Variants in CAPS2 observed in about 807,000 individuals in gnomAD.
The protein encoded by CAPS2 is calcyphosine 2, also known as calcyphosin-2.
In CAPS2, 98 loss-of-function variants were observed where a neutral mutation model predicts 86.5. The observed-to-expected ratio is 1.13, with a 90% confidence interval of 0.96 to 1.34. The LOEUF is 1.34. Among genes scored for constraint, CAPS2 ranks in the 40% most tolerant of loss-of-function variants. CAPS2 has a pLI of 0.00. For synonymous variants in CAPS2, 210 were observed against 225.1 expected (o/e 0.93, Z 0.60); for missense variants, 729 against 686.8 (o/e 1.06, Z -0.69).
At chr12:75,291,963 A>T in intron 12 of CAPS2, 143 bp from the exon 13 acceptor site, 1 of 373,892 alleles carries the variant, frequency 2.7e-6, no homozygotes, top group Non-Finnish European at 4.8e-6. Flanking sequence ...ATCAAGTCCC[A>T]ACTCTGCCTG....
exon 14 of CAPS2, chr12:75,289,740 G>T: frequency 6.2e-7 from 1 of 1,612,280 alleles, no homozygotes; most frequent in South Asian, 1.1e-5. Context: ...GTCAAAATAC[G>T]AACACCTCTT....
At chr12:75,339,559 A>C (rs2041963350) in intron 1 of CAPS2, among the ~76,000 whole-genome samples, 1 of 152,038 alleles carries the variant, frequency 6.6e-6, no homozygotes, top group Non-Finnish European at 1.5e-5. Flanking sequence ...CACTCTGATG[A>C]TACTTTCTTT....
At chr12:75,366,921 A>G in intron 1 of CAPS2, 1 of 701,808 alleles carries the variant, frequency 1.4e-6, no homozygotes, top group African/African-American at 1.7e-5. Context: ...AAAGGGGTTA[A>G]CCACCCAGAC....
intron 1 of CAPS2, among the ~76,000 whole-genome samples, chr12:75,353,927 A>G (rs1310308588): frequency 6.6e-6 from 1 of 152,206 alleles, no homozygotes; most frequent in Admixed American, 6.5e-5. Flanking sequence ...AAGGCCTTCA[A>G]TAAAATTCAT....
intron 14 of CAPS2, among the ~76,000 whole-genome samples, chr12:75,287,064 G>A (rs748977639): frequency 1.1e-4 from 16 of 150,266 alleles, no homozygotes; most frequent in African/African-American, 2.4e-4. Context: ...ACATACACAC[G>A]CAAGCACACA....
chr12:75,284,717 T>C (rs1442803742), intron 15 of CAPS2, among the ~76,000 whole-genome samples: 3 of 152,118 alleles, frequency 2.0e-5, no homozygotes, highest in Admixed American at 2.0e-4. Context: ...AGTAATTTGT[T>C]AACCAAAATT....
At chr12:75,291,501 ATATATATATAT>A (rs2035867638) in intron 13 of CAPS2, among the ~76,000 whole-genome samples, 2 of 110,560 alleles carry the variant, frequency 1.8e-5, no homozygotes, top group Non-Finnish European at 3.7e-5. Flanking sequence ...ATATATATAT[ATATATATATAT>A]ATATATATAT....
intron 15 of CAPS2, among the ~76,000 whole-genome samples, chr12:75,284,334 A>G (rs1255790198): frequency 6.6e-6 from 1 of 152,194 alleles, no homozygotes; most frequent in Non-Finnish European, 1.5e-5. Context: ...TACATATGCA[A>G]AAGAAAAAAG....
intron 1 of CAPS2, among the ~76,000 whole-genome samples, chr12:75,363,760 A>G (rs535673597): frequency 1.3e-5 from 2 of 152,282 alleles, no homozygotes; most frequent in Non-Finnish European, 2.9e-5. Context: ...TGAGTGACCA[A>G]TGGCCTGTGA....
At chr12:75,308,897 G>A (rs1354502420) in intron 7 of CAPS2, among the ~76,000 whole-genome samples, 2 of 106,970 alleles carry the variant, frequency 1.9e-5, no homozygotes, top group African/African-American at 3.9e-5. Flanking sequence ...AGCGAGACTC[G>A]GTCTCAAAAA....
At chr12:75,293,103 A>G (rs1321303825) in intron 12 of CAPS2, 146 bp downstream of exon 12, 2 of 591,408 alleles carry the variant, frequency 3.4e-6, no homozygotes, top group Admixed American at 6.8e-5. Context: ...ATAGTACATA[A>G]AAAAGACATA....
At chr12:75,374,490 G>T (rs1408164796) in intron 1 of CAPS2, among the ~76,000 whole-genome samples, 1 of 152,128 alleles carries the variant, frequency 6.6e-6, no homozygotes, top group Non-Finnish European at 1.5e-5. Context: ...GAAGTAGAAG[G>T]TCCCTGAATT....
intron 11 of CAPS2, among the ~76,000 whole-genome samples, chr12:75,296,240 T>C (rs746689510): frequency 6.6e-6 from 1 of 152,110 alleles, no homozygotes; most frequent in African/African-American, 2.4e-5. Context: ...TGCCTAAGGG[T>C]ACAGTCTGTG....
chr12:75,324,915 CA>C (rs775006683), intron 2 of CAPS2, among the ~76,000 whole-genome samples: 8 of 151,914 alleles, frequency 5.3e-5, no homozygotes, highest in Non-Finnish European at 1.2e-4. Flanking sequence ...ATGAATTATA[CA>C]AGGATAAAAA....
intron 1 of CAPS2, among the ~76,000 whole-genome samples, chr12:75,357,324 C>T (rs2043218824): frequency 6.6e-6 from 1 of 151,922 alleles, no homozygotes; most frequent in Non-Finnish European, 1.5e-5. Context: ...CATAAGAGTC[C>T]TACATGTTAA....
upstream of CAPS2, chr12:75,334,547 C>A (rs898448090): frequency 1.1e-5 from 16 of 1,402,332 alleles, no homozygotes; most frequent in Non-Finnish European, 1.5e-5. Context: ...GGAAGGGGAA[C>A]CCTGCTGCCT....
At chr12:75,290,760 TA>T (rs910524238) in intron 13 of CAPS2, among the ~76,000 whole-genome samples, 60 of 149,670 alleles carry the variant, frequency 4.0e-4, no homozygotes, top group African/African-American at 1.3e-3. Context: ...TACAAAAACA[TA>T]AAAAAAAAGA....
chr12:75,381,068 T>G (rs2044938981), intron 1 of CAPS2, among the ~76,000 whole-genome samples: 1 of 152,110 alleles, frequency 6.6e-6, no homozygotes, highest in Admixed American at 6.5e-5. Flanking sequence ...CACCCAAATC[T>G]CAACTTGAAT....
intron 8 of CAPS2, among the ~76,000 whole-genome samples, chr12:75,300,398 T>C (rs1446380012): frequency 6.6e-6 from 1 of 150,860 alleles, no homozygotes; most frequent in African/African-American, 2.4e-5. Context: ...TACTAAAAAT[T>C]ACAAAAAATT....
Sources: allele counts gnomAD v4.1 joint callset (sites outside exome capture counted in the v4.1 genomes callset), GRCh38; gene constraint gnomAD v4.1.1; transcripts MANE v1.5; gene names NCBI Gene and HGNC (gene_info 2026-07-23, HGNC 2026-07-21).